Variants in GNAI1 observed in about 807,000 individuals in gnomAD.
GNAI1 encodes G protein subunit alpha i1.
A neutral mutation model predicts 38.9 loss-of-function variants in GNAI1; 11 were observed. That is an observed-to-expected ratio of 0.28 (90% CI 0.18 to 0.47). GNAI1 has a LOEUF of 0.47. GNAI1 is among the 20% of genes least tolerant of loss of function. The probability of loss-of-function intolerance (pLI) is 0.99; values close to 1 mark genes in which losing one functional copy is unlikely to be tolerated. For missense variants in GNAI1, 317 were observed against 436.9 expected (o/e 0.73, Z 2.45); for synonymous variants, 166 against 145.1 (o/e 1.14, Z -1.04).
At chr7:80,207,670 T>C (rs957851009) in intron 5 of GNAI1, among the ~76,000 whole-genome samples, 2 of 151,710 alleles carry the variant, frequency 1.3e-5, no homozygotes, top group African/African-American at 4.9e-5. Context: ...ATAATTCTAC[T>C]GGGAACTCTT....
At chr7:80,152,990 GAGTT>G (rs1787754888) in intron 1 of GNAI1, among the ~76,000 whole-genome samples, 1 of 151,824 alleles carries the variant, frequency 6.6e-6, no homozygotes, top group Non-Finnish European at 1.5e-5. Context: ...TTTGAACAGA[GAGTT>G]AATTATATCT....
At chr7:80,174,858 G>A (rs1400411083) in intron 1 of GNAI1, among the ~76,000 whole-genome samples, 1 of 152,090 alleles carries the variant, frequency 6.6e-6, no homozygotes, top group Admixed American at 6.6e-5. Context: ...CTAGTAGTCA[G>A]TCATTGATTC....
chr7:80,208,988 A>G (rs1053549990), intron 5 of GNAI1, among the ~76,000 whole-genome samples: 2 of 152,186 alleles, frequency 1.3e-5, no homozygotes, highest in Admixed American at 6.5e-5. Flanking sequence ...TTCTGTCCAC[A>G]ATGATACATG....
At position 80,225,458 on chromosome 7, in the gene GNAI1, G is replaced by A. The variant is rs1789143617; in HGVS notation, c.*7965G>A. ...GGGTTTTTTTTAATGTTGTTATTGTGTTGTGTTTTGTTTTTTTAATATGTT... is the reference window on the plus strand; with the variant it reads ...GGGTTTTTTTTAATGTTGTTATTGTATTGTGTTTTGTTTTTTTAATATGTT... On this transcript the variant is annotated 3_prime_UTR_variant, in exon 8 of 8. Coordinates refer to ENST00000649796, the MANE Select transcript of GNAI1 (RefSeq NM_002069.6). Among the ~76,000 whole-genome samples, 1 of 151,876 alleles carries A rather than the reference G, an allele frequency of 6.6e-6. No individual in the cohort carries two copies. Among genetic ancestry groups the A allele is most frequent in the Non-Finnish European group, 1.5e-5 (1 of 67,950 alleles).
At chr7:80,168,986 G>A (rs573355038) in intron 1 of GNAI1, among the ~76,000 whole-genome samples, 2 of 152,078 alleles carry the variant, frequency 1.3e-5, no homozygotes, top group South Asian at 2.1e-4. Context: ...AGAAACTTAC[G>A]CTTCATTTTG....
chr7:80,192,478 T>G (rs949933310), intron 3 of GNAI1, among the ~76,000 whole-genome samples: 3 of 152,206 alleles, frequency 2.0e-5, no homozygotes, highest in Non-Finnish European at 4.4e-5. Context: ...GACTCCAGTT[T>G]TTCTTTCTAT....
rs189323838 is a variant in GNAI1, at chr7:80,190,312, T to A, written c.303+1081T>A. On this transcript the variant is annotated intron_variant, in intron 3 of 7. Transcript: ENST00000649796. ...ACTGAGCTATATTAATTTACTGTTTTTTAAACTTTTTTAAAAAGCTTACTG... is the reference window on the plus strand; with the variant it reads ...ACTGAGCTATATTAATTTACTGTTTATTAAACTTTTTTAAAAAGCTTACTG... Among the ~76,000 whole-genome samples the A allele has an allele frequency of 8.1e-4, 123 of 152,158 alleles. 2 individuals are homozygous for A. Among genetic ancestry groups the A allele is most frequent in the Non-Finnish European group, 1.3e-4 (9 of 67,978 alleles).
At chr7:80,157,069 G>A (rs746521017) in intron 1 of GNAI1, among the ~76,000 whole-genome samples, 11 of 152,144 alleles carry the variant, frequency 7.2e-5, no homozygotes, top group East Asian at 1.9e-4. Flanking sequence ...AGAATCACAC[G>A]GAGTAGTTTT....
intron 1 of GNAI1, among the ~76,000 whole-genome samples, chr7:80,148,057 C>T (rs1687071079): frequency 6.6e-6 from 1 of 152,060 alleles, no homozygotes; most frequent in Non-Finnish European, 1.5e-5. Context: ...AATATAAAAA[C>T]TGGGCTGTGG....
In GNAI1 at chr7:80,220,335, G is replaced by T. The variant is rs564808041; in HGVS notation, c.*2842G>T. ...TTTATTAGCACTTTTAAAATGGTGT[G>T]TAAAATGTATTGGCACTTTTAAATT... is the stretch of plus-strand genomic sequence containing the variant. On this transcript the variant is annotated 3_prime_UTR_variant, in exon 8 of 8. Transcript: ENST00000649796. Among the ~76,000 whole-genome samples the T allele has an allele frequency of 2.6e-5, 4 of 152,326 alleles. No individual in the cohort carries two copies. The highest frequency in any genetic ancestry group is 6.5e-5 in the Admixed American group (1 of 15,308).
intron 7 of GNAI1, among the ~76,000 whole-genome samples, chr7:80,215,312 T>C (rs1253004485): frequency 1.3e-5 from 2 of 152,202 alleles, no homozygotes; most frequent in Admixed American, 6.5e-5. Flanking sequence ...AGCTAGGCAC[T>C]CAATGTAAGC....
Position 80,221,359 on chromosome 7 carries a change from A to G in GNAI1, c.*3866A>G, listed in dbSNP as rs555106159. ...GGAGTGTGGAATGTATAAGCCGTCA[A>G]TACAATTTGCTGTTATTTGATTATA... On this transcript the variant is annotated 3_prime_UTR_variant, in exon 8 of 8. Transcript: ENST00000649796. Among the ~76,000 whole-genome samples the G allele has an allele frequency of 1.3e-5, 2 of 152,340 alleles. No homozygotes were observed. The highest frequency in any genetic ancestry group is 2.1e-4 in the South Asian group (1 of 4,826).
intron 1 of GNAI1, among the ~76,000 whole-genome samples, chr7:80,168,188 G>A (rs907847617): frequency 2.0e-5 from 3 of 151,980 alleles, no homozygotes; most frequent in Non-Finnish European, 4.4e-5. Context: ...ACAAGAAATG[G>A]CATTTGACAG....
intron 1 of GNAI1, among the ~76,000 whole-genome samples, chr7:80,176,023 T>C (rs1213313868): frequency 6.6e-6 from 1 of 152,226 alleles, no homozygotes; most frequent in East Asian, 1.9e-4. Context: ...ATGCTAGTGC[T>C]GTTGCACCTG....
At chr7:80,146,999 T>C (rs1787634074) in intron 1 of GNAI1, among the ~76,000 whole-genome samples, 1 of 152,196 alleles carries the variant, frequency 6.6e-6, no homozygotes, top group Admixed American at 6.5e-5. Context: ...CCATTTGGTA[T>C]CATCTTGCAT....
chr7:80,135,657 C>CCA (rs1554345587), intron 1 of GNAI1: 2 of 168,632 alleles, frequency 1.2e-5, no homozygotes, highest in Non-Finnish European at 2.3e-5. Flanking sequence ...CACCCCCCCC[C>CCA]CCGCGCCACC....
At chr7:80,214,058 C>T (rs1160193716) in intron 7 of GNAI1, among the ~76,000 whole-genome samples, 1 of 152,084 alleles carries the variant, frequency 6.6e-6, no homozygotes, top group African/African-American at 2.4e-5. Flanking sequence ...AGTCCATTGT[C>T]CTCCTGCTCC....
At chr7:80,201,789 C>A (rs748039730) in intron 4 of GNAI1, among the ~76,000 whole-genome samples, 82 of 152,112 alleles carry the variant, frequency 5.4e-4, no homozygotes, top group Middle Eastern at 6.8e-3. Flanking sequence ...TATTTTATTT[C>A]TAATAGTTGT....
intron 3 of GNAI1, among the ~76,000 whole-genome samples, chr7:80,192,422 G>A (rs189095295): frequency 9.2e-5 from 14 of 152,214 alleles, no homozygotes; most frequent in Non-Finnish European, 2.9e-5. Context: ...CTATTCCTCA[G>A]TGACTTGAAA....
Sources: gnomAD v4.1 joint callset for allele counts (sites outside exome capture counted in the v4.1 genomes callset) on GRCh38, gnomAD v4.1.1 for gene constraint, MANE v1.5 for transcripts, NCBI Gene and HGNC (gene_info 2026-07-23, HGNC 2026-07-21) for gene names.